The following PTPRK variants were observed in gnomAD, a reference collection of about 807,000 sequenced individuals.
PTPRK encodes protein tyrosine phosphatase receptor type K, also known as receptor-type tyrosine-protein phosphatase kappa.
A neutral mutation model predicts 178.0 loss-of-function variants in PTPRK; 75 were observed. The ratio of observed to expected loss-of-function variants is 0.42; its 90% CI spans 0.35 to 0.51. The LOEUF is 0.51. PTPRK is among the 20% of genes least tolerant of loss of function. The pLI, the probability that PTPRK is intolerant of heterozygous loss-of-function variation, is 0.02. For missense variants in PTPRK, 1,441 were observed against 1,797.8 expected, an observed-to-expected ratio of 0.80 and a Z score of 3.59; for synonymous variants, 637 against 620.6, an observed-to-expected ratio of 1.03 and a Z score of -0.39.
intron 3 of PTPRK, among the ~76,000 whole-genome samples, chr6:128,278,427 A>C (rs564541757): frequency 5.3e-5 from 8 of 152,240 alleles, no homozygotes; most frequent in Non-Finnish European, 7.4e-5. Flanking sequence ...AAGTGCTGGG[A>C]TTACAGGCGT....
chr6:128,488,642 A>C (rs541098690), intron 1 of PTPRK, among the ~76,000 whole-genome samples: 1 of 152,340 alleles, frequency 6.6e-6, no homozygotes, highest in Non-Finnish European at 1.5e-5. Flanking sequence ...CTGGATAATT[A>C]CATTCCAAAA....
intron 1 of PTPRK, among the ~76,000 whole-genome samples, chr6:128,404,464 G>C (rs1841413903): frequency 6.6e-6 from 1 of 152,208 alleles, no homozygotes; most frequent in Non-Finnish European, 1.5e-5. Flanking sequence ...ATGAAGAATA[G>C]TTAGGTAAAT....
chr6:128,416,416 C>T (rs938759930), intron 1 of PTPRK, among the ~76,000 whole-genome samples: 8 of 151,216 alleles, frequency 5.3e-5, no homozygotes, highest in Non-Finnish European at 8.9e-5. Context: ...CGGAGGCAGG[C>T]GGATCACGAG....
intron 1 of PTPRK, chr6:128,501,196 G>A (rs1362674393): frequency 6.6e-6 from 1 of 152,148 alleles, no homozygotes; most frequent in African/African-American, 2.4e-5. Context: ...TGTTTAAACT[G>A]TAAAGTTTGG....
chr6:128,432,723 A>T (rs929564487), intron 1 of PTPRK, among the ~76,000 whole-genome samples: 1 of 149,602 alleles, frequency 6.7e-6, no homozygotes, highest in South Asian at 2.1e-4. Flanking sequence ...TACCCCTACC[A>T]TACAGGTATG....
intron 18 of PTPRK, chr6:127,995,207 A>G: frequency 6.5e-7 from 1 of 1,540,816 alleles, no homozygotes; most frequent in Non-Finnish European, 8.9e-7. Flanking sequence ...GAATGTTTGT[A>G]TTTATAATAG....
At chr6:128,308,150 G>T (rs1317996453) in intron 3 of PTPRK, among the ~76,000 whole-genome samples, 1 of 151,624 alleles carries the variant, frequency 6.6e-6, no homozygotes, top group Non-Finnish European at 1.5e-5. Context: ...AAATCGAGTA[G>T]CCAAAAAATA....
intron 7 of PTPRK, among the ~76,000 whole-genome samples, chr6:128,149,574 G>A (rs1001689155): frequency 1.3e-5 from 2 of 152,064 alleles, no homozygotes; most frequent in East Asian, 3.9e-4. Flanking sequence ...ATCTTGCTAA[G>A]GTTATTTCTT....
chr6:128,467,521 C>G (rs1039704380), intron 1 of PTPRK, among the ~76,000 whole-genome samples: 1 of 152,228 alleles, frequency 6.6e-6, no homozygotes, highest in Non-Finnish European at 1.5e-5. Context: ...TGTCTAAGGT[C>G]ACTGATGACT....
intron 7 of PTPRK, among the ~76,000 whole-genome samples, chr6:128,175,677 T>C (rs1175195769): frequency 1.3e-5 from 2 of 151,804 alleles, no homozygotes; most frequent in African/African-American, 2.4e-5. Context: ...TTGACAAAAA[T>C]GACAATAGTT....
intron 1 of PTPRK, among the ~76,000 whole-genome samples, chr6:128,517,296 G>A (rs1254299341): frequency 6.6e-6 from 1 of 152,040 alleles, no homozygotes; most frequent in Non-Finnish European, 1.5e-5. Context: ...AGGTCAAGTT[G>A]GGTATTATTA....
intron 3 of PTPRK, among the ~76,000 whole-genome samples, chr6:128,313,734 C>G (rs917679885): frequency 6.6e-6 from 1 of 152,100 alleles, no homozygotes; most frequent in East Asian, 1.9e-4. Flanking sequence ...ATTAGCATCT[C>G]CCAACAAGTA....
Position 128,142,965 on chromosome 6 carries a change from C to T in PTPRK, c.1162+41467G>A, listed in dbSNP as rs527661064. Among the ~76,000 whole-genome samples the T allele has an allele frequency of 2.0e-5, 3 of 152,138 alleles. No homozygotes were observed. The South Asian group carries it at 6.2e-4, about 32-fold the overall frequency. ...GTAATATAACTAAGATATTTATGGC[C>T]TTTGATCTAAAATATTGACTTATTT... On this transcript the variant is annotated intron_variant, in intron 7 of 29. Coordinates refer to ENST00000368226, the MANE Select transcript of PTPRK (RefSeq NM_002844.4).
rs575063545 is a variant in PTPRK, at chr6:128,416,604, C to T, written c.101-18916G>A. 2.6e-4 allele frequency among the ~76,000 whole-genome samples: 39 copies of T among 147,658 alleles called. No individual in the cohort carries two copies. The South Asian group carries it at 4.9e-3, about 19-fold the overall frequency. On this transcript the variant is annotated intron_variant, in intron 1 of 29. Coordinates refer to ENST00000368226, the MANE Select transcript of PTPRK (RefSeq NM_002844.4). ...CAGAGCTTGCAGTGAGCCGAGATCA[C>T]GCCACTGCAGTCCAGCTTGGGTGAA...
At chr6:128,374,490 C>T (rs1418492229) in intron 2 of PTPRK, among the ~76,000 whole-genome samples, 1 of 152,158 alleles carries the variant, frequency 6.6e-6, no homozygotes, top group African/African-American at 2.4e-5. Flanking sequence ...TCATCCCCAT[C>T]TCAGCTCATG....
At chr6:128,455,871 T>C (rs369116881) in intron 1 of PTPRK, among the ~76,000 whole-genome samples, 43 of 152,204 alleles carry the variant, frequency 2.8e-4, no homozygotes, top group African/African-American at 9.6e-4. Context: ...CCAGACACAA[T>C]TTATACAGCA....
chr6:128,172,244 T>C (rs749135595), intron 7 of PTPRK, among the ~76,000 whole-genome samples: 19 of 152,136 alleles, frequency 1.2e-4, no homozygotes, highest in Non-Finnish European at 2.4e-4. Flanking sequence ...TAATAGGCAA[T>C]TGTACAGTCA....
chr6:128,099,125 CTGTT>C (rs1788374199), intron 7 of PTPRK, among the ~76,000 whole-genome samples: 2 of 150,984 alleles, frequency 1.3e-5, no homozygotes, highest in Admixed American at 6.6e-5. Flanking sequence ...ATAAGAGAAT[CTGTT>C]AGTTGGAATT....
chr6:128,373,594 G>A (rs760590208), intron 2 of PTPRK, among the ~76,000 whole-genome samples: 2 of 152,086 alleles, frequency 1.3e-5, no homozygotes, highest in Non-Finnish European at 2.9e-5. Flanking sequence ...ACATTGCCTC[G>A]ATGTTGCTTG....
Sources: gnomAD v4.1 joint callset for allele counts (sites outside exome capture counted in the v4.1 genomes callset) on GRCh38, gnomAD v4.1.1 for gene constraint, MANE v1.5 for transcripts, NCBI Gene and HGNC (gene_info 2026-07-23, HGNC 2026-07-21) for gene names.